The following GREB1L variants were observed in gnomAD, a reference collection of about 807,000 sequenced individuals.
GREB1L encodes the protein GREB1-like protein.
GREB1L carries 17 observed loss-of-function variants against 200.8 expected under a neutral mutation model. That is an observed-to-expected ratio of 0.08 (90% CI 0.06 to 0.13). GREB1L has a LOEUF of 0.13. Ranked by LOEUF, GREB1L falls within the 10% of genes least tolerant of loss-of-function variation. The pLI, the probability that GREB1L is intolerant of heterozygous loss-of-function variation, is 1.00. For missense variants in GREB1L, 1,657 were observed against 2,367.7 expected (o/e 0.70, Z 6.23); for synonymous variants, 789 against 893.0 (o/e 0.88, Z 2.08).
Position 21,256,679 on chromosome 18 carries a change from A to G in GREB1L, c.-120+14286A>G, listed in dbSNP as rs577659362. 4.5e-4 allele frequency among the ~76,000 whole-genome samples: 68 copies of G among 152,232 alleles called. No homozygotes were observed. The Middle Eastern group carries it at 0.017, about 38-fold the overall frequency. On this transcript the variant is annotated intron_variant, in intron 1 of 32. Transcript: ENST00000424526. ...ATAATTTGATTCCAAAACAGGTCAC[A>G]TTTCTGAGATAATGAATCAATGCTG...
chr18:21,388,281 T>C (rs2040627118), intron 4 of GREB1L, among the ~76,000 whole-genome samples: 3 of 152,150 alleles, frequency 2.0e-5, no homozygotes, highest in African/African-American at 7.2e-5. Context: ...AGAACAGCTT[T>C]AAATTTGTGA....
At chr18:21,377,594 G>A (rs528969691) in intron 2 of GREB1L, among the ~76,000 whole-genome samples, 251 of 152,284 alleles carry the variant, frequency 1.6e-3, no homozygotes, top group African/African-American at 5.8e-3. Context: ...TGGCCACTTG[G>A]GAGGCTGAGG....
chr18:21,388,013 C>G (rs1239813075), intron 4 of GREB1L, among the ~76,000 whole-genome samples: 2 of 152,172 alleles, frequency 1.3e-5, no homozygotes, highest in Non-Finnish European at 2.9e-5. Context: ...TAAATAGATA[C>G]ATACTTTACA....
At chr18:21,389,333 G>GTTTTGT (rs2040687830) in intron 4 of GREB1L, among the ~76,000 whole-genome samples, 3 of 95,632 alleles carry the variant, frequency 3.1e-5, no homozygotes, top group Non-Finnish European at 4.2e-5. Flanking sequence ...TATGGGGTGG[G>GTTTTGT]TTTTTTTTTT....
Position 21,515,561 on chromosome 18 carries a change from G to A in GREB1L, c.5046G>A (p.Lys1682=). The change falls in exon 29 of 33, where the codon AAG becomes AAA. Residue 1682 remains lysine, a synonymous_variant. Coordinates refer to ENST00000424526, the MANE Select transcript of GREB1L (RefSeq NM_001142966.3). ...GCAAGCTGACTTCTCAGAGCCTAAA[G>A]GCCCCATTCTCTAGGTGTCACGTGC... ...WSSKLTSQSL[K]APFSRCHVHD... The A allele has an allele frequency of 6.4e-7, 1 of 1,551,702 alleles. No individual in the cohort carries two copies. Among genetic ancestry groups the A allele is most frequent in the Non-Finnish European group, 8.7e-7 (1 of 1,146,984 alleles).
At chr18:21,358,764 C>T (rs537916869) in intron 1 of GREB1L, among the ~76,000 whole-genome samples, 5 of 152,118 alleles carry the variant, frequency 3.3e-5, no homozygotes, top group African/African-American at 9.6e-5. Context: ...ACGGGTGCAC[C>T]GAAATCGCAG....
chr18:21,314,888 A>G (rs1248153755), intron 1 of GREB1L, among the ~76,000 whole-genome samples: 1 of 152,174 alleles, frequency 6.6e-6, no homozygotes, highest in Non-Finnish European at 1.5e-5. Flanking sequence ...TGGAAATTTA[A>G]TGGACCTCAG....
chr18:21,486,832 C>A (rs74420340), intron 18 of GREB1L, among the ~76,000 whole-genome samples: 1,594 of 152,236 alleles, frequency 0.01, 34 homozygotes, highest in African/African-American at 0.036. Flanking sequence ...TTTTATGGGG[C>A]AAATTCTAAT....
rs1466780450 is a variant in GREB1L at position 21,366,073 on chromosome 18, C to T, written c.-73C>T. 1 of 152,096 alleles carries T rather than the reference C, an allele frequency of 6.6e-6. No individual in the cohort carries two copies. Among genetic ancestry groups the T allele is most frequent in the African/African-American group, 2.4e-5 (1 of 41,420 alleles). 9.4% of individuals were successfully genotyped at this position (152,096 alleles called of 1,614,324 possible). A position where few individuals can be genotyped will look rare whatever the true frequency, so the allele number is the denominator to read the frequency against. On this transcript the variant is annotated 5_prime_UTR_variant, in exon 2 of 33. Transcript: ENST00000424526. ...AGTTAAAATCTAGGCAACAGACTCCCTGAAGTGTTGACTGCCCAACTTAAT... is the reference window on the plus strand; with the variant it reads ...AGTTAAAATCTAGGCAACAGACTCCTTGAAGTGTTGACTGCCCAACTTAAT...
chr18:21,332,021 A>C (rs1182275503), intron 1 of GREB1L, among the ~76,000 whole-genome samples: 1 of 152,248 alleles, frequency 6.6e-6, no homozygotes, highest in Non-Finnish European at 1.5e-5. Context: ...AAGAATAGTA[A>C]AGTTGTTCCA....
At chr18:21,473,854 G>A (rs996805561) in intron 16 of GREB1L, among the ~76,000 whole-genome samples, 1 of 152,156 alleles carries the variant, frequency 6.6e-6, no homozygotes, top group Non-Finnish European at 1.5e-5. Flanking sequence ...ATGGCATAAG[G>A]CAGGGAGGAG....
intron 4 of GREB1L, among the ~76,000 whole-genome samples, chr18:21,389,501 G>A (rs1482402322): frequency 6.6e-6 from 1 of 151,630 alleles, no homozygotes; most frequent in Non-Finnish European, 1.5e-5. Context: ...TCATAAATGG[G>A]AAAACCCTCA....
intron 27 of GREB1L, among the ~76,000 whole-genome samples, chr18:21,513,139 G>C (rs1417204636): frequency 1.3e-5 from 2 of 152,122 alleles, no homozygotes; most frequent in African/African-American, 2.4e-5. Flanking sequence ...AGGCACAATG[G>C]GTTTAATTTG....
intron 23 of GREB1L, among the ~76,000 whole-genome samples, chr18:21,501,066 CAAAAAA>C (rs11295281): frequency 2.3e-5 from 2 of 87,074 alleles, no homozygotes; most frequent in African/African-American, 3.7e-5. Flanking sequence ...GACTTTGTCT[CAAAAAA>C]AAAAAAAAAA....
intron 2 of GREB1L, among the ~76,000 whole-genome samples, chr18:21,381,041 G>C (rs1170066724): frequency 6.6e-6 from 1 of 152,202 alleles, no homozygotes; most frequent in Non-Finnish European, 1.5e-5. Flanking sequence ...AGGTGATCGA[G>C]ACCATCCTGG....
chr18:21,409,670 A>G (rs2030723337), intron 7 of GREB1L, among the ~76,000 whole-genome samples: 1 of 152,156 alleles, frequency 6.6e-6, no homozygotes, highest in Admixed American at 6.6e-5. Context: ...AGTTTTTCAG[A>G]GCAGATGGTA....
In GREB1L at chr18:21,429,223, C is replaced by A. The variant is rs2032938867; in HGVS notation, c.833-10298C>A. Among the ~76,000 whole-genome samples, 3 of 96,774 alleles carry A rather than the reference C, an allele frequency of 3.1e-5. No homozygotes were observed. The South Asian group carries it at 1.5e-3, about 49-fold the overall frequency. The allele number at this position is 96,774 out of a possible 152,430, so 63.5% of individuals were successfully genotyped here. On this transcript the variant is annotated intron_variant, in intron 7 of 32. Transcript: ENST00000424526. ...CCTCCCCTCCGCTCCCCTCCCCTCCCCTCCCTTCCTCTTCCCCTCCTCTCC... is the reference window on the plus strand; with the variant it reads ...CCTCCCCTCCGCTCCCCTCCCCTCCACTCCCTTCCTCTTCCCCTCCTCTCC...
chr18:21,409,075 A>G (rs1041060211), intron 7 of GREB1L, among the ~76,000 whole-genome samples: 3 of 152,204 alleles, frequency 2.0e-5, no homozygotes, highest in Non-Finnish European at 4.4e-5. Flanking sequence ...TTGCATGCAG[A>G]TGTTCATAGC....
chr18:21,422,157 T>C (rs1352654300), intron 7 of GREB1L, among the ~76,000 whole-genome samples: 1 of 152,142 alleles, frequency 6.6e-6, no homozygotes, highest in Non-Finnish European at 1.5e-5. Context: ...TGGTGAGATG[T>C]AGATGCTGAG....
Sources: allele counts gnomAD v4.1 joint callset (sites outside exome capture counted in the v4.1 genomes callset), GRCh38; gene constraint gnomAD v4.1.1; transcripts MANE v1.5; gene names NCBI Gene and HGNC (gene_info 2026-07-23, HGNC 2026-07-21).